Variants in PLCL2 observed in about 807,000 individuals in gnomAD.
The protein encoded by PLCL2 is inactive phospholipase C-like protein 2.
PLCL2 carries 4 observed loss-of-function variants against 79.6 expected under a neutral mutation model. The observed-to-expected ratio is 0.05, with a 90% CI of 0.02 to 0.11. PLCL2 has a LOEUF of 0.11. Among genes scored for constraint, PLCL2 ranks in the 10% least tolerant of loss-of-function variants. The probability of loss-of-function intolerance (pLI) is 1.00; values close to 1 mark genes in which losing one functional copy is unlikely to be tolerated. For missense variants in PLCL2, 895 were observed against 1,291.0 expected, an observed-to-expected ratio of 0.69 and a Z score of 4.70; for synonymous variants, 484 against 457.7, an observed-to-expected ratio of 1.06 and a Z score of -0.73.
chr3:16,920,867 T>A (rs116756085), intron 1 of PLCL2, among the ~76,000 whole-genome samples: 4,810 of 152,286 alleles, frequency 0.032, 117 homozygotes, highest in South Asian at 0.059. Context: ...ATAAATGTGT[T>A]TTGGTAATTC....
At chr3:17,081,284 TG>T (rs749590787) in intron 5 of PLCL2, 1 of 456,442 alleles carries the variant, frequency 2.2e-6, no homozygotes, top group South Asian at 1.6e-5. Context: ...GCATGTGATT[TG>T]GAAGAAAAGT....
At chr3:17,062,852 C>A (rs2064965911) in intron 4 of PLCL2, among the ~76,000 whole-genome samples, 2 of 152,098 alleles carry the variant, frequency 1.3e-5, no homozygotes. Flanking sequence ...ATTTCTGAAC[C>A]TGAAGATTGT....
At chr3:17,002,856 C>G (rs941509174) in intron 1 of PLCL2, among the ~76,000 whole-genome samples, 1 of 151,622 alleles carries the variant, frequency 6.6e-6, no homozygotes, top group Non-Finnish European at 1.5e-5. Context: ...TTTACAGATT[C>G]TTTTCTTGAC....
intron 1 of PLCL2, among the ~76,000 whole-genome samples, chr3:16,955,702 G>C (rs560332233): frequency 1.9e-3 from 291 of 152,040 alleles, no homozygotes; most frequent in African/African-American, 6.5e-3. Flanking sequence ...CTTTTATTTC[G>C]TTGAGCAGTG....
chr3:17,071,540 G>T (rs1179711976), intron 5 of PLCL2, among the ~76,000 whole-genome samples: 1 of 152,022 alleles, frequency 6.6e-6, no homozygotes. Flanking sequence ...CTCCCTCTGA[G>T]AAATAACCAT....
intron 1 of PLCL2, among the ~76,000 whole-genome samples, chr3:16,946,032 C>T (rs1314562444): frequency 3.9e-5 from 6 of 152,218 alleles, no homozygotes; most frequent in South Asian, 2.1e-4. Context: ...AGAACAGTGG[C>T]GGTCCATAAA....
chr3:17,038,824 G>A (rs1019446301), intron 3 of PLCL2, among the ~76,000 whole-genome samples: 7 of 152,100 alleles, frequency 4.6e-5, no homozygotes, highest in Admixed American at 2.6e-4. Context: ...GGATTGAAAC[G>A]GCCTTTCCTC....
rs115312608 is a variant in PLCL2 at position 17,000,548 on chromosome 3, A to G, written c.328-9126A>G. Among the ~76,000 whole-genome samples, 381 of 152,098 alleles carry G rather than the reference A, an allele frequency of 2.5e-3. 1 individual carries two copies. Among genetic ancestry groups the G allele is most frequent in the African/African-American group, 8.7e-3 (363 of 41,542 alleles). On this transcript the variant is annotated intron_variant, in intron 1 of 5. Transcript: ENST00000615277. ...AACTCTAGAACTTATTTCTTCTGTC[A>G]TTTTATACCCATTAACCATCTTCTC...
At chr3:17,028,513 G>A (rs2064543289) in intron 3 of PLCL2, among the ~76,000 whole-genome samples, 1 of 145,054 alleles carries the variant, frequency 6.9e-6, no homozygotes, top group Non-Finnish European at 1.5e-5. Context: ...TTTCACTCCT[G>A]TCACCCAGGC....
At chr3:17,030,234 A>AT (rs1037747195) in intron 3 of PLCL2, among the ~76,000 whole-genome samples, 14 of 152,180 alleles carry the variant, frequency 9.2e-5, no homozygotes, top group South Asian at 4.1e-4. Context: ...GCCCAAACCT[A>AT]TTTTTTAAAC....
chr3:16,929,212 G>GA (rs1268000147), intron 1 of PLCL2, among the ~76,000 whole-genome samples: 1 of 151,758 alleles, frequency 6.6e-6, no homozygotes, highest in Non-Finnish European at 1.5e-5. Context: ...GAGGGAATGG[G>GA]CTACAGGGAG....
chr3:17,002,903 A>T (rs7427303), intron 1 of PLCL2, among the ~76,000 whole-genome samples: 2 of 151,700 alleles, frequency 1.3e-5, no homozygotes, highest in Non-Finnish European at 2.9e-5. Context: ...CAAGGAATTC[A>T]TCATCTCTGA....
chr3:16,912,031 G>C (rs952279762), intron 1 of PLCL2, among the ~76,000 whole-genome samples: 7 of 152,170 alleles, frequency 4.6e-5, no homozygotes, highest in Admixed American at 3.9e-4. Flanking sequence ...TGTCTCATTA[G>C]GTATATGCAA....
At chr3:17,021,777 G>A (rs909590233) in intron 3 of PLCL2, among the ~76,000 whole-genome samples, 1 of 152,124 alleles carries the variant, frequency 6.6e-6, no homozygotes, top group Non-Finnish European at 1.5e-5. Context: ...CTGGGAGGAT[G>A]ACTTTAATAG....
intron 1 of PLCL2, among the ~76,000 whole-genome samples, chr3:16,890,125 AAAG>A (rs533108747): frequency 9.2e-5 from 14 of 152,358 alleles, no homozygotes; most frequent in African/African-American, 3.4e-4. Context: ...TAGCCTGCTC[AAAG>A]AGCTTTTGTC....
chr3:17,039,758 T>C lies in PLCL2; in HGVS notation c.3019-3116T>C, dbSNP rs565932072. Among the ~76,000 whole-genome samples, 8 of 152,314 alleles carry C rather than the reference T, an allele frequency of 5.3e-5. No homozygotes were observed. The East Asian group carries it at 1.5e-3, about 29-fold the overall frequency. On this transcript the variant is annotated intron_variant, in intron 3 of 5. Coordinates refer to ENST00000615277, the MANE Select transcript of PLCL2 (RefSeq NM_001144382.2). ...TACAGTCTGCAAATGCCTCCTGCTG[T>C]TTACTTGCAAACCTAGGAGGAATGG...
chr3:17,003,338 T>A (rs77525852), intron 1 of PLCL2, among the ~76,000 whole-genome samples: 5 of 152,198 alleles, frequency 3.3e-5, no homozygotes, highest in African/African-American at 1.2e-4. Flanking sequence ...CATTGTTACC[T>A]TCAATGTACC....
chr3:16,940,648 T>A (rs775008448), intron 1 of PLCL2, among the ~76,000 whole-genome samples: 10 of 151,808 alleles, frequency 6.6e-5, no homozygotes, highest in Non-Finnish European at 1.0e-4. Flanking sequence ...GTTGGAAAAA[T>A]TAAAATAAAA....
rs1696513121 is a variant in PLCL2 at position 16,897,587 on chromosome 3, G to A, written c.327+12221G>A. ...TTTGCTAAATGAGTGTAGTAAAAAC[G>A]CTGTTTACTCACAGAAGATTATAAA... On this transcript the variant is annotated intron_variant, in intron 1 of 5. Coordinates refer to ENST00000615277, the MANE Select transcript of PLCL2 (RefSeq NM_001144382.2). 2.0e-5 allele frequency among the ~76,000 whole-genome samples: 3 copies of A among 152,216 alleles called. No individual in the cohort carries two copies. In the South Asian group the frequency reaches 6.2e-4, roughly 31 times the overall value.
Sources: allele counts gnomAD v4.1 joint callset (sites outside exome capture counted in the v4.1 genomes callset), GRCh38; gene constraint gnomAD v4.1.1; transcripts MANE v1.5; gene names NCBI Gene and HGNC (gene_info 2026-07-23, HGNC 2026-07-21).